Variants in PM20D2 observed in about 807,000 individuals in gnomAD.
PM20D2 encodes peptidase M20 domain containing 2.
Under a neutral mutation model 42.9 loss-of-function variants are expected in PM20D2, and 33 were observed. The ratio of observed to expected loss-of-function variants is 0.77; its 90% CI spans 0.58 to 1.03. The LOEUF is 1.03. Ranked by LOEUF, PM20D2 falls within the 50% of genes least tolerant of loss-of-function variation. The pLI, the probability that PM20D2 is intolerant of heterozygous loss-of-function variation, is 0.00. For missense variants in PM20D2, 548 were observed against 557.0 expected, an observed-to-expected ratio of 0.98 and a Z score of 0.16; for synonymous variants, 250 against 228.2, an observed-to-expected ratio of 1.10 and a Z score of -0.86.
At chr6:89,130,093 T>G in the PM20D2 span, among the ~76,000 whole-genome samples, 2 of 149,280 alleles carry the variant, frequency 1.3e-5, no homozygotes, top group Admixed American at 6.7e-5. Flanking sequence ...GTGTCTTGTT[T>G]TATTTCTGGA....
intron 2 of PM20D2, among the ~76,000 whole-genome samples, chr6:89,149,654 A>T (rs529023291): frequency 6.6e-6 from 1 of 152,364 alleles, no homozygotes; most frequent in Non-Finnish European, 1.5e-5. Context: ...AATAACAAAC[A>T]TGTTGACAAT....
the PM20D2 span, among the ~76,000 whole-genome samples, chr6:89,130,813 C>T: frequency 1.1e-3 from 52 of 48,438 alleles, no homozygotes; most frequent in African/African-American, 3.5e-3. Flanking sequence ...TATCTGGCTT[C>T]TTCTTCTTTT....
upstream of PM20D2, among the ~76,000 whole-genome samples, chr6:89,141,175 C>T (rs1306179005): frequency 6.6e-6 from 1 of 152,050 alleles, no homozygotes; most frequent in Non-Finnish European, 1.5e-5. Flanking sequence ...CTTATTTCCC[C>T]TATTTTGTTT....
chr6:89,145,273 T>C (rs1042994218), upstream of PM20D2, among the ~76,000 whole-genome samples: 2 of 152,208 alleles, frequency 1.3e-5, no homozygotes, highest in Admixed American at 6.5e-5. Context: ...AACTCAGTTA[T>C]AATGTAACAC....
chr6:89,158,418 A>G lies in PM20D2; in HGVS notation c.1006A>G (p.Ile336Val). ...TATGGAAAATGGAAGAAAGCTAGGA[A>G]TAGAGTTCATTTCAGAAGATACAAT... ...AYMENGRKLG[I>V]EFISEDTMLN... The change falls in exon 5 of 7, where the codon ATA becomes GTA. Residue 336 changes from isoleucine to valine, a missense_variant. Transcript: ENST00000275072. The G allele has an allele frequency of 6.2e-7, 1 of 1,612,614 alleles. No individual in the cohort carries two copies. Among genetic ancestry groups the G allele is most frequent in the Non-Finnish European group, 8.5e-7 (1 of 1,179,628 alleles).
At chr6:89,102,748 A>AATTT in the PM20D2 span, among the ~76,000 whole-genome samples, 9,782 of 151,798 alleles carry the variant, frequency 0.064, 930 homozygotes, top group African/African-American at 0.21. Flanking sequence ...ACATTTTAAT[A>AATTT]ATTTATTTAT....
chr6:89,107,426 A>T, the PM20D2 span, among the ~76,000 whole-genome samples: 1 of 152,122 alleles, frequency 6.6e-6, no homozygotes, highest in African/African-American at 2.4e-5. Flanking sequence ...AAGGGAAAAA[A>T]GAAAGGAAAA....
At chr6:89,108,355 T>G in the PM20D2 span, among the ~76,000 whole-genome samples, 1 of 152,212 alleles carries the variant, frequency 6.6e-6, no homozygotes, top group Non-Finnish European at 1.5e-5. Context: ...ACAGACAGAT[T>G]ATGGGTGATA....
the PM20D2 span, among the ~76,000 whole-genome samples, chr6:89,110,980 G>A: frequency 1.5e-3 from 224 of 152,118 alleles, 1 homozygote; most frequent in Middle Eastern, 0.017. Context: ...TTAGCTGGGC[G>A]TGGTGTCTAT....
chr6:89,128,727 G>A, the PM20D2 span, among the ~76,000 whole-genome samples: 1 of 152,154 alleles, frequency 6.6e-6, no homozygotes, highest in Non-Finnish European at 1.5e-5. Flanking sequence ...AATATGTGAT[G>A]CCACCCCCGG....
rs1301878369 is a variant in PM20D2 at position 89,162,335 on chromosome 6, A to G, written c.*72A>G. The G allele has an allele frequency of 2.8e-6, 4 of 1,430,304 alleles. No homozygotes were observed. Among genetic ancestry groups the G allele is most frequent in the African/African-American group, 2.9e-5 (2 of 69,456 alleles). The allele number at this position is 1,430,304 out of a possible 1,614,324, so 88.6% of individuals were successfully genotyped here. ...TCTTTTAATCTCTTTTAATGAAGGC[A>G]TGCTTGTTTTTTAATCTTAAAGGAG... On this transcript the variant is annotated 3_prime_UTR_variant, in exon 7 of 7. Transcript: ENST00000275072.
chr6:89,117,863 T>TG, the PM20D2 span: 4 of 1,562,072 alleles, frequency 2.6e-6, no homozygotes, highest in East Asian at 2.6e-5. Flanking sequence ...AGGGAGGTGT[T>TG]GGGGGGCCTC....
At chr6:89,114,554 T>C in the PM20D2 span, among the ~76,000 whole-genome samples, 293 of 152,098 alleles carry the variant, frequency 1.9e-3, 3 homozygotes, top group African/African-American at 6.4e-3. Context: ...AGAGATTTCA[T>C]TCATGTAATA....
chr6:89,118,374 T>G, the PM20D2 span, among the ~76,000 whole-genome samples: 2 of 152,222 alleles, frequency 1.3e-5, no homozygotes, highest in African/African-American at 4.8e-5. Flanking sequence ...CCGCTCAGCC[T>G]CCGCGGCCCT....
the PM20D2 span, among the ~76,000 whole-genome samples, chr6:89,114,447 A>G: frequency 6.6e-6 from 1 of 152,158 alleles, no homozygotes; most frequent in African/African-American, 2.4e-5. Flanking sequence ...CAAACAAACA[A>G]AAAAACCACC....
chr6:89,162,716 C>G lies in PM20D2; in HGVS notation c.*453C>G, dbSNP rs1385711377. Reference sequence around the variant, plus strand: ...TGTGGTATAGGGTGGTAAACTTGTTCTCTAATCGTATATTAATTCCTCTAC... The same window carrying G: ...TGTGGTATAGGGTGGTAAACTTGTTGTCTAATCGTATATTAATTCCTCTAC... On this transcript the variant is annotated 3_prime_UTR_variant, in exon 7 of 7. Coordinates refer to ENST00000275072, the MANE Select transcript of PM20D2 (RefSeq NM_001010853.3). The G allele has an allele frequency of 6.5e-6, 1 of 152,838 alleles. No homozygotes were observed. The highest frequency in any genetic ancestry group is 1.5e-5 in the Non-Finnish European group (1 of 68,582). 9.5% of individuals were successfully genotyped at this position (152,838 alleles called of 1,614,324 possible).
chr6:89,098,557 T>C, the PM20D2 span: 1 of 1,588,938 alleles, frequency 6.3e-7, no homozygotes, highest in Non-Finnish European at 8.6e-7. Flanking sequence ...AAAGACGGCG[T>C]GGTGCTCTTT....
Position 89,149,251 on chromosome 6 carries a change from G to A in PM20D2, c.466-14G>A, listed in dbSNP as rs1411111029. Reference sequence around the variant, plus strand: ...ATTTTGTTGTTTTTCCCTGACATGAGTATTTCCTTCTAGGTAGTTGTCCTG... The same window carrying A: ...ATTTTGTTGTTTTTCCCTGACATGAATATTTCCTTCTAGGTAGTTGTCCTG... On this transcript the variant is annotated splice_polypyrimidine_tract_variant and intron_variant, in intron 1 of 6. Transcript: ENST00000275072. The A allele has an allele frequency of 1.7e-5, 27 of 1,611,696 alleles. No homozygotes were observed. The highest frequency in any genetic ancestry group is 2.0e-5 in the Non-Finnish European group (24 of 1,179,012).
the PM20D2 span, among the ~76,000 whole-genome samples, chr6:89,119,200 C>T: frequency 6.6e-6 from 1 of 152,162 alleles, no homozygotes; most frequent in African/African-American, 2.4e-5. Flanking sequence ...AGACTGGCAC[C>T]GTGCCTATTC....
Sources: gnomAD v4.1 joint callset for allele counts (sites outside exome capture counted in the v4.1 genomes callset) on GRCh38, gnomAD v4.1.1 for gene constraint, MANE v1.5 for transcripts, NCBI Gene and HGNC (gene_info 2026-07-23, HGNC 2026-07-21) for gene names.